CDKAL1: variants seen among roughly 807,000 people sequenced by gnomAD.
CDKAL1 encodes threonylcarbamoyladenosine tRNA methylthiotransferase.
A neutral mutation model predicts 68.2 loss-of-function variants in CDKAL1; 32 were observed. The ratio of observed to expected loss-of-function variants is 0.47; its 90% CI spans 0.35 to 0.63. CDKAL1 has a LOEUF of 0.63. CDKAL1 is among the 30% of genes least tolerant of loss of function. The pLI is 0.00. For missense variants in CDKAL1, 606 were observed against 696.7 expected, an observed-to-expected ratio of 0.87 and a Z score of 1.47; for synonymous variants, 234 against 244.3, an observed-to-expected ratio of 0.96 and a Z score of 0.39.
In CDKAL1 at chr6:20,897,052, A is replaced by G. The variant is rs561737396; in HGVS notation, c.742+50874A>G. The stretch of plus-strand genomic sequence containing the variant: ...TCTGGAGGCTGGGAAATCTAAGATC[A>G]TGGTGCCAACAGATTCAGTATCTCA... On this transcript the variant is annotated intron_variant, in intron 9 of 15. Coordinates refer to ENST00000274695, the MANE Select transcript of CDKAL1 (RefSeq NM_017774.3). 1.6e-4 allele frequency among the ~76,000 whole-genome samples: 24 copies of G among 152,308 alleles called. No individual in the cohort carries two copies. In the East Asian group the frequency reaches 4.4e-3, roughly 28 times the overall value.
At chr6:21,145,011 G>A (rs1405789050) in intron 13 of CDKAL1, among the ~76,000 whole-genome samples, 1 of 152,122 alleles carries the variant, frequency 6.6e-6, no homozygotes, top group Non-Finnish European at 1.5e-5. Context: ...TGCTTTGCTA[G>A]GCTTGAGCCC....
At position 21,182,156 on chromosome 6, in the gene CDKAL1, A is replaced by G. The variant is rs375156730; in HGVS notation, c.1300-15865A>G. ...AGAAACTAGATGAAATAAGATTATT[A>G]TAGCTGCTCTTTGTTATGAAGATGA... On this transcript the variant is annotated intron_variant, in intron 13 of 15. Coordinates refer to ENST00000274695, the MANE Select transcript of CDKAL1 (RefSeq NM_017774.3). 3.0e-4 allele frequency among the ~76,000 whole-genome samples: 45 copies of G among 152,366 alleles called. No individual in the cohort carries two copies. The East Asian group carries it at 6.5e-3, about 22-fold the overall frequency.
At chr6:21,092,312 T>C (rs1413449809) in intron 12 of CDKAL1, among the ~76,000 whole-genome samples, 3 of 150,966 alleles carry the variant, frequency 2.0e-5, no homozygotes, top group Admixed American at 1.3e-4. Flanking sequence ...GTTTGTTACA[T>C]AGGTATACAT....
intron 11 of CDKAL1, among the ~76,000 whole-genome samples, chr6:21,046,830 G>A (rs1770261869): frequency 6.6e-6 from 1 of 152,178 alleles, no homozygotes; most frequent in Admixed American, 6.5e-5. Context: ...GTTAACAAAT[G>A]AGTTTAGAAT....
intron 9 of CDKAL1, among the ~76,000 whole-genome samples, chr6:20,908,597 A>T (rs907056258): frequency 3.9e-5 from 6 of 152,198 alleles, no homozygotes; most frequent in East Asian, 1.9e-4. Flanking sequence ...TATAAAAATT[A>T]AAAAAATACG....
chr6:20,559,194 C>G (rs1764175338), intron 4 of CDKAL1: 1 of 152,026 alleles, frequency 6.6e-6, no homozygotes. Context: ...GTTATTTACA[C>G]AAATCAAATA....
intron 9 of CDKAL1, among the ~76,000 whole-genome samples, chr6:20,936,708 G>T (rs1581866297): frequency 6.6e-6 from 1 of 152,104 alleles, no homozygotes; most frequent in Non-Finnish European, 1.5e-5. Context: ...TCTTTTTTAT[G>T]TAGTGTGTGA....
chr6:20,817,671 G>A (rs1312534831), intron 8 of CDKAL1, among the ~76,000 whole-genome samples: 2 of 152,014 alleles, frequency 1.3e-5, no homozygotes, highest in African/African-American at 4.8e-5. Flanking sequence ...GAGAATTTTA[G>A]GTGTTTAAAA....
intron 10 of CDKAL1, among the ~76,000 whole-genome samples, chr6:20,990,694 A>G (rs1367094553): frequency 1.3e-5 from 2 of 152,256 alleles, no homozygotes; most frequent in Non-Finnish European, 2.9e-5. Context: ...TTGCTAGAGT[A>G]AATACAGATA....
chr6:20,687,455 G>A (rs947361969), intron 5 of CDKAL1, among the ~76,000 whole-genome samples: 2 of 152,036 alleles, frequency 1.3e-5, no homozygotes. Context: ...TTTGTGATTT[G>A]TTAGATCAAT....
chr6:20,820,843 A>T (rs1025089513), intron 8 of CDKAL1, among the ~76,000 whole-genome samples: 3 of 152,114 alleles, frequency 2.0e-5, no homozygotes, highest in Non-Finnish European at 4.4e-5. Flanking sequence ...TGGAGTTTCA[A>T]TTCTAGTGGT....
At chr6:20,852,913 A>T (rs1759096173) in intron 9 of CDKAL1, among the ~76,000 whole-genome samples, 1 of 152,210 alleles carries the variant, frequency 6.6e-6, no homozygotes, top group African/African-American at 2.4e-5. Context: ...TATTTAAGGT[A>T]TTCCTGAACA....
At chr6:21,099,184 A>G (rs1773462651) in intron 12 of CDKAL1, among the ~76,000 whole-genome samples, 1 of 152,186 alleles carries the variant, frequency 6.6e-6, no homozygotes, top group African/African-American at 2.4e-5. Flanking sequence ...TGCAGCCAGG[A>G]TTGCAAACCA....
rs945305483 is a variant in CDKAL1, at chr6:21,131,281, A to G, written c.1299+22818A>G. ...GATAGATTTAGTTGTAGATATAAAT[A>G]TATTTTTTAATCATGTCTTCTGGTT... is the stretch of plus-strand genomic sequence containing the variant. On this transcript the variant is annotated intron_variant, in intron 13 of 15. Transcript: ENST00000274695. Among the ~76,000 whole-genome samples the G allele has an allele frequency of 3.9e-5, 6 of 152,226 alleles. No individual in the cohort carries two copies. The South Asian group carries it at 8.3e-4, about 21-fold the overall frequency.
At chr6:20,865,685 A>T (rs769017839) in intron 9 of CDKAL1, among the ~76,000 whole-genome samples, 1 of 152,188 alleles carries the variant, frequency 6.6e-6, no homozygotes, top group African/African-American at 2.4e-5. Flanking sequence ...TTTAAAATAA[A>T]AGAAAAATCT....
intron 6 of CDKAL1, among the ~76,000 whole-genome samples, chr6:20,755,054 T>A (rs1774109214): frequency 6.6e-6 from 1 of 152,216 alleles, no homozygotes; most frequent in Admixed American, 6.5e-5. Flanking sequence ...AGCTTTTATA[T>A]TTTTAACTGC....
chr6:20,575,441 C>CAAAAAAA (rs57442477), intron 4 of CDKAL1, among the ~76,000 whole-genome samples: 1 of 94,298 alleles, frequency 1.1e-5, no homozygotes, highest in Non-Finnish European at 2.2e-5. Context: ...AGGGGCACCA[C>CAAAAAAA]AAAAAAAAAA....
intron 11 of CDKAL1, among the ~76,000 whole-genome samples, chr6:21,002,697 G>A (rs1767492170): frequency 6.6e-6 from 1 of 151,532 alleles, no homozygotes; most frequent in Admixed American, 6.6e-5. Context: ...TGCCAATAAA[G>A]TGATCCTAGG....
intron 13 of CDKAL1, among the ~76,000 whole-genome samples, chr6:21,147,226 A>ATT (rs1776220249): frequency 6.6e-6 from 1 of 152,246 alleles, no homozygotes; most frequent in Non-Finnish European, 1.5e-5. Flanking sequence ...TAAATAAAAA[A>ATT]GATAATTTTA....
Sources: gnomAD v4.1 joint callset for allele counts (sites outside exome capture counted in the v4.1 genomes callset) on GRCh38, gnomAD v4.1.1 for gene constraint, MANE v1.5 for transcripts, NCBI Gene and HGNC (gene_info 2026-07-23, HGNC 2026-07-21) for gene names.